The following RFX3 variants were observed in gnomAD, a reference collection of about 807,000 sequenced individuals.
RFX3 encodes the protein transcription factor RFX3.
A neutral mutation model predicts 98.6 loss-of-function variants in RFX3; 14 were observed. The ratio of observed to expected loss-of-function variants is 0.14; its 90% CI spans 0.09 to 0.22. The LOEUF (loss-of-function observed/expected upper bound fraction) is 0.22. Ranked by LOEUF, RFX3 falls within the 10% of genes least tolerant of loss-of-function variation. The pLI is 1.00. For synonymous variants in RFX3, 383 were observed against 328.4 expected (o/e 1.17, Z -1.80); for missense variants, 639 against 926.9 (o/e 0.69, Z 4.03).
chr9:3,320,256 G>T (rs936016233), intron 4 of RFX3, among the ~76,000 whole-genome samples: 1 of 151,876 alleles, frequency 6.6e-6, no homozygotes, highest in Non-Finnish European at 1.5e-5. Context: ...CCTTCCTAAA[G>T]ACATCTTTAG....
At chr9:3,278,994 C>T (rs996094405) in intron 7 of RFX3, among the ~76,000 whole-genome samples, 1 of 151,816 alleles carries the variant, frequency 6.6e-6, no homozygotes, top group Non-Finnish European at 1.5e-5. Context: ...TACTTTTCAA[C>T]TGGGGCCATA....
At chr9:3,459,157 C>T (rs1040202811) in intron 1 of RFX3, among the ~76,000 whole-genome samples, 1 of 152,102 alleles carries the variant, frequency 6.6e-6, no homozygotes, top group African/African-American at 2.4e-5. Context: ...TTGCATTACA[C>T]CAAGAACTGC....
intron 15 of RFX3, among the ~76,000 whole-genome samples, chr9:3,230,915 A>T (rs982575582): frequency 1.3e-5 from 2 of 152,212 alleles, no homozygotes; most frequent in Non-Finnish European, 2.9e-5. Context: ...CAAAAGAAAC[A>T]TTGCATTTAG....
chr9:3,286,414 T>C lies in RFX3; in HGVS notation c.851+1717A>G, dbSNP rs114103152. On this transcript the variant is annotated intron_variant, in intron 7 of 16. Transcript: ENST00000617270. ...AAAATAAGAATCAGCAATAAAAAAATAAGATTGAGAATCTGTAATAAAAAA... is the reference window on the plus strand; with the variant it reads ...AAAATAAGAATCAGCAATAAAAAAACAAGATTGAGAATCTGTAATAAAAAA... Among the ~76,000 whole-genome samples, 1,409 of 151,940 alleles carry C rather than the reference T, an allele frequency of 9.3e-3. 19 individuals are homozygous for C. The highest frequency in any genetic ancestry group is 0.032 in the African/African-American group (1,344 of 41,518).
chr9:3,351,585 T>C (rs1009079594), intron 2 of RFX3, among the ~76,000 whole-genome samples: 2 of 151,910 alleles, frequency 1.3e-5, no homozygotes, highest in African/African-American at 2.4e-5. Context: ...TAATAAGGTA[T>C]AGTATCCCAC....
At chr9:3,494,393 C>T (rs377186200) in intron 1 of RFX3, among the ~76,000 whole-genome samples, 1 of 151,884 alleles carries the variant, frequency 6.6e-6, no homozygotes, top group South Asian at 2.1e-4. Context: ...ATGTTTAAAA[C>T]CAACATTCCA....
At chr9:3,399,816 G>A (rs1484619783) in intron 1 of RFX3, among the ~76,000 whole-genome samples, 3 of 151,724 alleles carry the variant, frequency 2.0e-5, no homozygotes, top group Non-Finnish European at 4.4e-5. Flanking sequence ...AGGCATGGTG[G>A]TGCATGCCTG....
chr9:3,484,912 C>CG (rs1850118066), intron 1 of RFX3, among the ~76,000 whole-genome samples: 1 of 147,780 alleles, frequency 6.8e-6, no homozygotes, highest in South Asian at 2.3e-4. Flanking sequence ...AGGGAGACAC[C>CG]CCCCCCCACC....
intron 2 of RFX3, among the ~76,000 whole-genome samples, chr9:3,375,235 A>C (rs964400335): frequency 1.7e-4 from 26 of 152,164 alleles, no homozygotes; most frequent in Non-Finnish European, 3.4e-4. Flanking sequence ...AAGACCATTA[A>C]CTCCCAGTCA....
chr9:3,420,367 T>C (rs1843340661), intron 1 of RFX3, among the ~76,000 whole-genome samples: 1 of 152,208 alleles, frequency 6.6e-6, no homozygotes, highest in South Asian at 2.1e-4. Context: ...AAAGCTACAG[T>C]AGTTGTGAAG....
intron 2 of RFX3, among the ~76,000 whole-genome samples, chr9:3,374,712 T>C (rs1466412643): frequency 6.6e-6 from 1 of 152,040 alleles, no homozygotes; most frequent in Admixed American, 6.6e-5. Flanking sequence ...AAATGGGAAA[T>C]TGTAATGGGT....
chr9:3,254,810 G>A (rs570026769), intron 14 of RFX3, among the ~76,000 whole-genome samples: 17 of 152,252 alleles, frequency 1.1e-4, no homozygotes, highest in African/African-American at 3.6e-4. Context: ...AAATCCTCCT[G>A]CTGTATCAAG....
intron 1 of RFX3, among the ~76,000 whole-genome samples, chr9:3,462,118 C>T (rs1318323177): frequency 6.6e-6 from 1 of 151,920 alleles, no homozygotes; most frequent in East Asian, 1.9e-4. Flanking sequence ...AAAAAAGTGA[C>T]AAGCATACTA....
intron 2 of RFX3, among the ~76,000 whole-genome samples, chr9:3,363,824 T>G (rs961615040): frequency 6.6e-6 from 1 of 152,216 alleles, no homozygotes; most frequent in African/African-American, 2.4e-5. Flanking sequence ...ATAATGATAT[T>G]GGTAGTACAA....
Position 3,301,605 on chromosome 9 carries a change from C to A in RFX3, c.490G>T (p.Glu164Ter), listed in dbSNP as rs1828669088. 6.2e-7 allele frequency: 1 copy of A among 1,601,100 alleles called. No homozygotes were observed. Among genetic ancestry groups the A allele is most frequent in the Non-Finnish European group, 8.5e-7 (1 of 1,170,878 alleles). ...AGACCGTCAGACTTTTGCAGCGTCT[C>A]AATCGCCATTTCAATCTGATAATAG... ...ASPATIEMAI[E>*]TLQKSDGLST... Residue 164 changes from glutamate (E) to a stop codon, truncating the protein, a stop_gained, in exon 5 of 17, where the codon GAG becomes TAG. Transcript: ENST00000617270. LOFTEE classifies it high-confidence loss of function.
chr9:3,240,133 G>T (rs1819724756), intron 15 of RFX3, among the ~76,000 whole-genome samples: 1 of 152,226 alleles, frequency 6.6e-6, no homozygotes, highest in Non-Finnish European at 1.5e-5. Flanking sequence ...ATATTTTCTG[G>T]TATGGAACTC....
At chr9:3,302,715 C>T (rs1188552516) in intron 4 of RFX3, among the ~76,000 whole-genome samples, 2 of 151,792 alleles carry the variant, frequency 1.3e-5, no homozygotes, top group East Asian at 1.9e-4. Flanking sequence ...CATACTGCCC[C>T]CTCCCAAAGA....
At chr9:3,296,462 A>G (rs981873936) in intron 5 of RFX3, among the ~76,000 whole-genome samples, 2 of 152,104 alleles carry the variant, frequency 1.3e-5, no homozygotes, top group Non-Finnish European at 2.9e-5. Flanking sequence ...TTCTTCTTAT[A>G]TAGTTTATAT....
At chr9:3,432,124 C>A (rs1405343608) in intron 1 of RFX3, among the ~76,000 whole-genome samples, 5 of 152,142 alleles carry the variant, frequency 3.3e-5, no homozygotes, top group Admixed American at 2.6e-4. Flanking sequence ...GAACAGCTTT[C>A]TGGATTGGTT....
Sources: allele counts gnomAD v4.1 joint callset (sites outside exome capture counted in the v4.1 genomes callset), GRCh38; gene constraint gnomAD v4.1.1; transcripts MANE v1.5; gene names NCBI Gene and HGNC (gene_info 2026-07-23, HGNC 2026-07-21).